Variants in OLFM1 observed in about 807,000 individuals in gnomAD.
The protein encoded by OLFM1 is olfactomedin 1.
OLFM1 carries 9 observed loss-of-function variants against 49.7 expected under a neutral mutation model. The ratio of observed to expected loss-of-function variants is 0.18; its 90% CI spans 0.11 to 0.32. The LOEUF (loss-of-function observed/expected upper bound fraction) is 0.32, where lower values mean the gene tolerates loss of function less well. OLFM1 is among the 10% of genes least tolerant of loss of function. OLFM1 has a pLI of 1.00. For synonymous variants in OLFM1, 240 were observed against 271.8 expected, an observed-to-expected ratio of 0.88 and a Z score of 1.15; for missense variants, 369 against 661.8, an observed-to-expected ratio of 0.56 and a Z score of 4.85.
rs1588206061 is a variant in OLFM1 at position 135,088,904 on chromosome 9, G to A, written c.150+765G>A. 6.6e-6 allele frequency among the ~76,000 whole-genome samples: 1 copy of A among 152,212 alleles called. No homozygotes were observed. Among genetic ancestry groups the A allele is most frequent in the Admixed American group, 6.5e-5 (1 of 15,288 alleles). On this transcript the variant is annotated intron_variant, in intron 1 of 5. Coordinates refer to ENST00000371793, the MANE Select transcript of OLFM1 (RefSeq NM_001282611.2). This position sits in a 1 kb window ranked among gnomAD's most constrained non-coding sequence, Gnocchi z 4.8. ...CCTAGCGGGAGGGGAACCGTGGCCG[G>A]GGCTGCTTCTGGGCAGAGCTGACTT...
Position 135,116,318 on chromosome 9 carries a change from C to T in OLFM1, c.784-3186C>T, listed in dbSNP as rs79171855. 8.0e-3 allele frequency among the ~76,000 whole-genome samples: 1,215 copies of T among 152,250 alleles called. 8 individuals are homozygous for T. The highest frequency in any genetic ancestry group is 0.036 in the East Asian group (187 of 5,158). Reference sequence around the variant, plus strand: ...CACAGAAACTGGCAAACGCTCAGAGCGGCCTCCCCTGAACCCTGCCTGAGC... The same window carrying T: ...CACAGAAACTGGCAAACGCTCAGAGTGGCCTCCCCTGAACCCTGCCTGAGC... On this transcript the variant is annotated intron_variant, in intron 5 of 5. Coordinates refer to ENST00000371793, the MANE Select transcript of OLFM1 (RefSeq NM_001282611.2).
At chr9:135,118,011 T>C (rs1006896233) in intron 5 of OLFM1, among the ~76,000 whole-genome samples, 5 of 152,170 alleles carry the variant, frequency 3.3e-5, no homozygotes, top group African/African-American at 7.2e-5. Context: ...GTGGCACCCT[T>C]TGGTTGTGAC....
At position 135,098,528 on chromosome 9, in the gene OLFM1, C is replaced by T. The variant is rs371341301; in HGVS notation, c.676+23C>T. ...TAGGTAGGCCCAGTACCCTGCGGGACGTGGCGCTGCACTGCCCACCTCCGG... is the reference window on the plus strand; with the variant it reads ...TAGGTAGGCCCAGTACCCTGCGGGATGTGGCGCTGCACTGCCCACCTCCGG... On this transcript the variant is annotated intron_variant, in intron 4 of 5. Transcript: ENST00000371793. This position sits in a 1 kb window ranked among gnomAD's most constrained non-coding sequence, Gnocchi z 5.6. The T allele has an allele frequency of 1.1e-5, 17 of 1,593,650 alleles. No homozygotes were observed. The highest frequency in any genetic ancestry group is 2.2e-5 in the East Asian group (1 of 44,808).
chr9:135,076,677 G>C (rs1830470426), intron 1 of OLFM1: 12 of 1,323,748 alleles, frequency 9.1e-6, no homozygotes, highest in Non-Finnish European at 1.2e-5. Context: ...ATGCCACTGT[G>C]CCACGCTCTG....
At chr9:135,118,706 GCTCACTGGGTCTCTGGAGTA>G (rs1300688652) in intron 5 of OLFM1, among the ~76,000 whole-genome samples, 7 of 147,318 alleles carry the variant, frequency 4.8e-5, no homozygotes, top group East Asian at 2.1e-4. Context: ...CTTTGGAAAT[GCTCACTGGGTCTCTGGAGTA>G]CTCACTGGGT....
chr9:135,087,403 C>A, upstream of OLFM1: 1 of 1,546,074 alleles, frequency 6.5e-7, no homozygotes, highest in Non-Finnish European at 8.7e-7. Context: ...GGGAGGGCCG[C>A]GGGCCGTGCC....
intron 1 of OLFM1, chr9:135,077,323 G>A: frequency 7.2e-7 from 1 of 1,385,842 alleles, no homozygotes; most frequent in African/African-American, 1.4e-5. Context: ...CCGCACCCAA[G>A]GGCCCTCCAA....
intron 5 of OLFM1, among the ~76,000 whole-genome samples, chr9:135,108,797 G>A (rs546724617): frequency 1.3e-5 from 2 of 152,280 alleles, no homozygotes; most frequent in African/African-American, 2.4e-5. Flanking sequence ...ACCTGCCTGC[G>A]TCGGGGTCAT....
At chr9:135,119,424 C>A (rs1007630100) in intron 5 of OLFM1, 80 bp from the exon 6 acceptor site, 3 of 1,227,194 alleles carry the variant, frequency 2.4e-6, no homozygotes, top group Non-Finnish European at 3.5e-6. Flanking sequence ...CTCACTGGAT[C>A]TTTGGAAGTG....
intron 4 of OLFM1, chr9:135,105,616 G>A (rs1440348171): frequency 1.3e-5 from 2 of 152,352 alleles, no homozygotes; most frequent in Admixed American, 6.5e-5. Flanking sequence ...TATCCTGGCT[G>A]AGCCGAGGTC....
intron 2 of OLFM1, among the ~76,000 whole-genome samples, chr9:135,093,189 G>A (rs1169798893): frequency 6.6e-6 from 1 of 152,220 alleles, no homozygotes; most frequent in African/African-American, 2.4e-5. Flanking sequence ...GGGAACCCAG[G>A]TATGTACAGC....
At chr9:135,075,611 G>C in exon 1 of OLFM1, 1 of 800,830 alleles carries the variant, frequency 1.2e-6, no homozygotes, top group Non-Finnish European at 1.8e-6. Context: ...GGGGACACGA[G>C]CCAGGCGCCG....
At chr9:135,091,561 TCACA>T (rs57311704) in intron 2 of OLFM1, among the ~76,000 whole-genome samples, 2,307 of 123,282 alleles carry the variant, frequency 0.019, 61 homozygotes, top group South Asian at 0.06. Flanking sequence ...ACACTCATAG[TCACA>T]CACACACACA....
rs1017625994 is a variant in OLFM1 at position 135,080,928 on chromosome 9, GT to G, written c.96+5133del. On this transcript the variant is annotated intron_variant, in intron 1 of 5. Transcript: ENST00000252854. This position sits in a 1 kb window ranked among gnomAD's most constrained non-coding sequence, Gnocchi z 4.5. Reference sequence around the variant, plus strand: ...AGGAAGTAAAAATGCACACCTCTGAGTTTTTTTAGATTATTAAAATAATAAT... The same window carrying G: ...AGGAAGTAAAAATGCACACCTCTGAGTTTTTTAGATTATTAAAATAATAAT... Among the ~76,000 whole-genome samples, 6 of 151,540 alleles carry G rather than the reference GT, an allele frequency of 4.0e-5. No individual in the cohort carries two copies. Among genetic ancestry groups the G allele is most frequent in the African/African-American group, 1.5e-4 (6 of 41,296 alleles).
chr9:135,095,131 A>C (rs923818448), intron 2 of OLFM1: 1 of 152,220 alleles, frequency 6.6e-6, no homozygotes, highest in Admixed American at 6.5e-5. Context: ...TCTTGAGGCT[A>C]GACTCAATTC....
intron 1 of OLFM1, chr9:135,076,908 C>G (rs1172742513): frequency 6.4e-7 from 1 of 1,550,654 alleles, no homozygotes; most frequent in Admixed American, 2.0e-5. Context: ...CTTGTTTTGC[C>G]TGGAAGCCCA....
chr9:135,087,455 C>T (rs916685006), upstream of OLFM1: 3 of 1,538,618 alleles, frequency 1.9e-6, no homozygotes, highest in Non-Finnish European at 2.6e-6. Flanking sequence ...ATTTTATGAT[C>T]TGGGGGTGGT....
At chr9:135,089,047 G>A (rs1318171548) in intron 1 of OLFM1, among the ~76,000 whole-genome samples, 3 of 152,196 alleles carry the variant, frequency 2.0e-5, no homozygotes, top group Admixed American at 2.0e-4. Context: ...GAGAGGTGAA[G>A]GACGTGAGTC....
intron 1 of OLFM1, among the ~76,000 whole-genome samples, chr9:135,078,111 T>C (rs1830490934): frequency 6.6e-6 from 1 of 152,216 alleles, no homozygotes. Context: ...TCTTACTTTC[T>C]TGATTCCAAA....
Sources: gnomAD v4.1 joint callset for allele counts (sites outside exome capture counted in the v4.1 genomes callset) on GRCh38, gnomAD v4.1.1 for gene constraint, Gnocchi (gnomAD v3.1) non-coding constraint, MANE v1.5 for transcripts, NCBI Gene and HGNC (gene_info 2026-07-23, HGNC 2026-07-21) for gene names.